Variants in PHF21A observed in about 807,000 individuals in gnomAD.
The protein encoded by PHF21A is PHD finger protein 21A, also known as BHC80a.
PHF21A carries 11 observed loss-of-function variants against 82.5 expected under a neutral mutation model. The ratio of observed to expected loss-of-function variants is 0.13; its 90% CI spans 0.08 to 0.22. The LOEUF (loss-of-function observed/expected upper bound fraction) is 0.22, where lower values mean the gene tolerates loss of function less well. Among genes scored for constraint, PHF21A ranks in the 10% least tolerant of loss-of-function variants. PHF21A has a pLI of 1.00. For synonymous variants in PHF21A, 297 were observed against 302.8 expected (o/e 0.98, Z 0.20); for missense variants, 579 against 837.8 (o/e 0.69, Z 3.81).
At chr11:46,021,311 C>T (rs2095626464) in intron 6 of PHF21A, among the ~76,000 whole-genome samples, 2 of 152,142 alleles carry the variant, frequency 1.3e-5, no homozygotes, top group Admixed American at 1.3e-4. Context: ...ATCCTCCTGC[C>T]TTGGCCTTCC....
Position 46,010,249 on chromosome 11 carries a change from G to A in PHF21A, c.154-30283C>T, listed in dbSNP as rs187569325. Among the ~76,000 whole-genome samples, 3 of 152,318 alleles carry A rather than the reference G, an allele frequency of 2.0e-5. No homozygotes were observed. In the East Asian group the frequency reaches 5.8e-4, roughly 29 times the overall value. ...TAATAATTCAATGATTAAGTCACCTGAGACCAGGAACAGTCCAAAATACAC... is the reference window on the plus strand; with the variant it reads ...TAATAATTCAATGATTAAGTCACCTAAGACCAGGAACAGTCCAAAATACAC... On this transcript the variant is annotated intron_variant, in intron 6 of 18. Coordinates refer to ENST00000676320, the MANE Select transcript of PHF21A (RefSeq NM_001352027.3).
At position 46,011,424 on chromosome 11, in the gene PHF21A, G is replaced by A. The variant is rs542921448; in HGVS notation, c.154-31458C>T. ...GAATCGCCTGAGCCCAGTAGGTGGAGGTTGCAGCAGTGAGCGGAGATGGTG... is the reference window on the plus strand; with the variant it reads ...GAATCGCCTGAGCCCAGTAGGTGGAAGTTGCAGCAGTGAGCGGAGATGGTG... On this transcript the variant is annotated intron_variant, in intron 6 of 18. Transcript: ENST00000676320. 9.2e-5 allele frequency among the ~76,000 whole-genome samples: 14 copies of A among 152,254 alleles called. No homozygotes were observed. In the South Asian group the frequency reaches 2.5e-3, roughly 27 times the overall value.
chr11:46,025,207 T>G (rs533333166), intron 6 of PHF21A, among the ~76,000 whole-genome samples: 1 of 152,294 alleles, frequency 6.6e-6, no homozygotes, highest in East Asian at 1.9e-4. Context: ...AAAACAACTT[T>G]TCTCCATCTC....
At chr11:45,946,104 A>G (rs771836226) in intron 14 of PHF21A, 101 bp from the exon 15 acceptor site, 2 of 1,613,914 alleles carry the variant, frequency 1.2e-6, no homozygotes, top group South Asian at 1.1e-5. Flanking sequence ...ATTGGCTAGC[A>G]TGGAAAAGGA....
At chr11:45,969,220 C>A (rs2093626733) in intron 9 of PHF21A, among the ~76,000 whole-genome samples, 1 of 152,192 alleles carries the variant, frequency 6.6e-6, no homozygotes, top group Non-Finnish European at 1.5e-5. Flanking sequence ...ATGGGGAAAT[C>A]TTGACATTTT....
At chr11:46,043,079 G>T (rs778099867) in intron 6 of PHF21A, among the ~76,000 whole-genome samples, 10 of 151,874 alleles carry the variant, frequency 6.6e-5, no homozygotes, top group Non-Finnish European at 1.5e-4. Context: ...TTCCATAAAA[G>T]ATACCTGAAA....
chr11:45,965,228 T>G, intron 10 of PHF21A, 87 bp downstream of exon 10: 1 of 1,131,688 alleles, frequency 8.8e-7, no homozygotes, highest in Non-Finnish European at 1.3e-6. Context: ...GAAGAGCCCT[T>G]GAGAAAATGT....
At chr11:46,060,257 C>G (rs1201047428) in intron 6 of PHF21A, among the ~76,000 whole-genome samples, 1 of 152,116 alleles carries the variant, frequency 6.6e-6, no homozygotes, top group Non-Finnish European at 1.5e-5. Flanking sequence ...CTCAGCCTAC[C>G]AAAATGCTGA....
chr11:46,031,248 T>C (rs2095861592), intron 6 of PHF21A, among the ~76,000 whole-genome samples: 1 of 152,220 alleles, frequency 6.6e-6, no homozygotes, highest in Non-Finnish European at 1.5e-5. Context: ...TTTTGTCCCT[T>C]ACCAGTGTCA....
intron 6 of PHF21A, among the ~76,000 whole-genome samples, chr11:46,024,495 T>C (rs1281633237): frequency 2.0e-5 from 3 of 152,170 alleles, no homozygotes; most frequent in African/African-American, 7.2e-5. Flanking sequence ...CTCTATACTT[T>C]AATTAAGACT....
chr11:46,104,671 CAAT>C (rs1345553902), intron 1 of PHF21A, among the ~76,000 whole-genome samples: 7 of 152,076 alleles, frequency 4.6e-5, no homozygotes, highest in African/African-American at 1.7e-4. Context: ...GTAATAATAA[CAAT>C]AATAATGATA....
Position 45,953,512 on chromosome 11 carries a change from G to A in PHF21A, c.1095+15C>T. 1 of 1,554,200 alleles carries A rather than the reference G, an allele frequency of 6.4e-7. No homozygotes were observed. The highest frequency in any genetic ancestry group is 8.9e-7 in the Non-Finnish European group (1 of 1,125,562). ...CACCATAGACTGAGACCTGCCTTTG[G>A]AAACATAGGCCTACCTGAGGGTTCT... On this transcript the variant is annotated intron_variant, in intron 11 of 18. Coordinates refer to ENST00000676320, the MANE Select transcript of PHF21A (RefSeq NM_001352027.3).
At position 46,104,547 on chromosome 11, in the gene PHF21A, A is replaced by AT. The variant is rs1311845332; in HGVS notation, c.-236-12325dup. ...GTATTCACAAATAAGAACTCATTAG[A>AT]TAACACTTTTATCATCTATACTCTT... is the stretch of plus-strand genomic sequence containing the variant. On this transcript the variant is annotated intron_variant, in intron 1 of 18. Coordinates refer to ENST00000676320, the MANE Select transcript of PHF21A (RefSeq NM_001352027.3). Among the ~76,000 whole-genome samples, 4 of 152,232 alleles carry AT rather than the reference A, an allele frequency of 2.6e-5. No individual in the cohort carries two copies. The East Asian group carries it at 7.7e-4, about 29-fold the overall frequency.
chr11:45,985,701 A>C (rs2094467581), intron 6 of PHF21A, among the ~76,000 whole-genome samples: 1 of 152,188 alleles, frequency 6.6e-6, no homozygotes, highest in Non-Finnish European at 1.5e-5. Flanking sequence ...AATTAGACAA[A>C]TAGTTTCTTT....
chr11:45,965,445 T>C lies in PHF21A; in HGVS notation c.866A>G (p.Asn289Ser), dbSNP rs1249478029. The change falls in exon 10 of 19, where the codon AAT (asparagine) becomes AGT (serine). Residue 289 changes from asparagine (N) to serine (S), a missense_variant. Physicochemically the swap from Asn to Ser is conservative, Grantham distance 46. Coordinates refer to ENST00000676320, the MANE Select transcript of PHF21A (RefSeq NM_001352027.3). The stretch of plus-strand genomic sequence containing the variant: ...TTTGGCTATGGTTGCAGTCTGCCCA[T>C]TGACGACACGGACGGGGTGGATGGA... ...QNSIHPVRVVNGQTATIAKTF... is the reference protein window; with the variant it reads ...QNSIHPVRVVSGQTATIAKTF... 13 of 1,614,052 alleles carry C rather than the reference T, an allele frequency of 8.1e-6. No individual in the cohort carries two copies. Among genetic ancestry groups the C allele is most frequent in the Non-Finnish European group, 9.3e-6 (11 of 1,180,012 alleles).
At chr11:45,942,800 T>C (rs116140393) in intron 15 of PHF21A, among the ~76,000 whole-genome samples, 1,768 of 152,296 alleles carry the variant, frequency 0.012, 38 homozygotes, top group African/African-American at 0.04. Context: ...GTGCCACTAG[T>C]AGGTTCTGAG....
chr11:46,097,961 G>A (rs936735952), intron 1 of PHF21A, among the ~76,000 whole-genome samples: 11 of 152,104 alleles, frequency 7.2e-5, no homozygotes, highest in African/African-American at 1.7e-4. Flanking sequence ...AATATATTAT[G>A]TCTTATTTAG....
chr11:46,005,498 T>A (rs1353111191), intron 6 of PHF21A, among the ~76,000 whole-genome samples: 1 of 152,194 alleles, frequency 6.6e-6, no homozygotes, highest in African/African-American at 2.4e-5. Context: ...ATTAACTTAA[T>A]TAATGGGCAC....
At chr11:45,979,686 G>C in intron 7 of PHF21A, 74 bp downstream of exon 7, 2 of 1,604,772 alleles carry the variant, frequency 1.2e-6, no homozygotes, top group South Asian at 2.2e-5. Context: ...GTGTGAGACA[G>C]GACCCAGTTC....
Sources: allele counts gnomAD v4.1 joint callset (sites outside exome capture counted in the v4.1 genomes callset), GRCh38; gene constraint gnomAD v4.1.1; transcripts MANE v1.5; gene names NCBI Gene and HGNC (gene_info 2026-07-23, HGNC 2026-07-21).